Variants in KCNK2 observed in about 807,000 individuals in gnomAD.
The protein encoded by KCNK2 is potassium channel subfamily K member 2.
A neutral mutation model predicts 40.5 loss-of-function variants in KCNK2; 21 were observed. The observed-to-expected ratio is 0.52, with a 90% confidence interval of 0.37 to 0.75. The LOEUF is 0.75. KCNK2 is among the 30% of genes least tolerant of loss of function. The probability of loss-of-function intolerance (pLI) is 0.00; values close to 1 mark genes in which losing one functional copy is unlikely to be tolerated. For synonymous variants in KCNK2, 191 were observed against 202.2 expected, an observed-to-expected ratio of 0.94 and a Z score of 0.47; for missense variants, 399 against 531.6, an observed-to-expected ratio of 0.75 and a Z score of 2.45.
chr1:215,174,893 T>C (rs1394334233), intron 5 of KCNK2, among the ~76,000 whole-genome samples: 2 of 152,152 alleles, frequency 1.3e-5, no homozygotes, highest in Non-Finnish European at 2.9e-5. Flanking sequence ...TTTCTAGATA[T>C]ACAATCATGT....
At position 215,021,233 on chromosome 1, in the gene KCNK2, A is replaced by C. The variant is rs140351249; in HGVS notation, c.34+15278A>C. Among the ~76,000 whole-genome samples the C allele has an allele frequency of 4.7e-3, 716 of 152,278 alleles. 5 individuals are homozygous for C. The highest frequency in any genetic ancestry group is 6.1e-3 in the Non-Finnish European group (415 of 68,020). The stretch of plus-strand genomic sequence containing the variant: ...ATTTTATTTTCCTATAAGTGAACTT[A>C]AGTTATATTTCAAGTTCCCTATTTC... On this transcript the variant is annotated intron_variant, in intron 1 of 6. Transcript: ENST00000391895.
intron 1 of KCNK2, among the ~76,000 whole-genome samples, chr1:215,060,115 GC>G (rs1658317226): frequency 1.3e-5 from 2 of 152,182 alleles, no homozygotes; most frequent in Non-Finnish European, 2.9e-5. Flanking sequence ...TGAGGTGAGA[GC>G]CAACAGGCCT....
intron 6 of KCNK2, among the ~76,000 whole-genome samples, chr1:215,206,515 A>G (rs1204059348): frequency 6.6e-6 from 1 of 152,162 alleles, no homozygotes; most frequent in Non-Finnish European, 1.5e-5. Flanking sequence ...CCACACATCT[A>G]TGTTATATTT....
At chr1:215,007,165 A>G (rs1273280575) in intron 1 of KCNK2, among the ~76,000 whole-genome samples, 1 of 104,814 alleles carries the variant, frequency 9.5e-6, no homozygotes, top group African/African-American at 4.6e-5. Context: ...ATGTATGTAT[A>G]TATATATGTA....
At position 215,234,878 on chromosome 1, in the gene KCNK2, C is replaced by G; in HGVS notation, c.1014C>G (p.Ala338=). 6.2e-7 allele frequency: 1 copy of G among 1,613,954 alleles called. No homozygotes were observed. ...HAAEWTANVT[A]EFKETRRRLS... ...CTGAGTGGACAGCCAACGTCACAGC[C>G]GAATTCAAAGAAACCAGGAGGCGAC... Residue 338 remains alanine, a synonymous_variant, in exon 7 of 7, where the codon GCC becomes GCG. Transcript: ENST00000444842.
At chr1:215,075,674 T>C (rs958347644) in intron 1 of KCNK2, among the ~76,000 whole-genome samples, 1 of 152,232 alleles carries the variant, frequency 6.6e-6, no homozygotes, top group African/African-American at 2.4e-5. Flanking sequence ...CTTCACACTT[T>C]TAAGCTTGAA....
At chr1:215,034,144 G>GA in intron 1 of KCNK2, among the ~76,000 whole-genome samples, 1 of 152,100 alleles carries the variant, frequency 6.6e-6, no homozygotes, top group Non-Finnish European at 1.5e-5. Context: ...AAGAGTTGTT[G>GA]ACTTTTTTAG....
At chr1:215,112,450 C>T (rs980430207) in intron 2 of KCNK2, among the ~76,000 whole-genome samples, 2 of 151,690 alleles carry the variant, frequency 1.3e-5, no homozygotes, top group African/African-American at 2.4e-5. Flanking sequence ...AGTGCTAGTA[C>T]AAAAGTCAAA....
chr1:215,062,910 A>G (rs1658407102), intron 1 of KCNK2, among the ~76,000 whole-genome samples: 1 of 152,138 alleles, frequency 6.6e-6, no homozygotes, highest in African/African-American at 2.4e-5. Context: ...TTTATAGGAG[A>G]ATGAACACAC....
At chr1:215,036,698 A>G (rs1188807097) in intron 1 of KCNK2, among the ~76,000 whole-genome samples, 1 of 151,870 alleles carries the variant, frequency 6.6e-6, no homozygotes, top group Non-Finnish European at 1.5e-5. Flanking sequence ...TTTGCTGCTT[A>G]TGAACAATGT....
intron 6 of KCNK2, among the ~76,000 whole-genome samples, chr1:215,225,066 C>T (rs1425117600): frequency 6.6e-6 from 1 of 152,094 alleles, no homozygotes; most frequent in Non-Finnish European, 1.5e-5. Flanking sequence ...AAAAATACTA[C>T]TTAAATAACT....
chr1:215,227,864 A>T (rs1666454633), intron 6 of KCNK2, among the ~76,000 whole-genome samples: 1 of 152,128 alleles, frequency 6.6e-6, no homozygotes, highest in Non-Finnish European at 1.5e-5. Flanking sequence ...TCTGAGTAAG[A>T]ACTTGATGTA....
intron 5 of KCNK2, among the ~76,000 whole-genome samples, chr1:215,183,787 T>C (rs775541324): frequency 6.6e-5 from 10 of 152,234 alleles, no homozygotes; most frequent in Non-Finnish European, 5.9e-5. Context: ...AAGAGAGTTT[T>C]ATACTTTTTG....
At chr1:215,165,330 A>G (rs1173892256) in intron 3 of KCNK2, among the ~76,000 whole-genome samples, 1 of 152,116 alleles carries the variant, frequency 6.6e-6, no homozygotes, top group Non-Finnish European at 1.5e-5. Flanking sequence ...CAATTCCTTC[A>G]ACTTTTATAT....
chr1:215,037,586 T>C (rs1657431482), intron 1 of KCNK2, among the ~76,000 whole-genome samples: 1 of 152,024 alleles, frequency 6.6e-6, no homozygotes, highest in Admixed American at 6.6e-5. Context: ...CACTATTTTC[T>C]GAAAGAGTTG....
chr1:215,108,718 G>A (rs569297288), intron 2 of KCNK2, among the ~76,000 whole-genome samples: 1 of 144,524 alleles, frequency 6.9e-6, no homozygotes, highest in East Asian at 2.1e-4. Flanking sequence ...CCAAAAGACA[G>A]CAGACAGCTC....
intron 6 of KCNK2, among the ~76,000 whole-genome samples, chr1:215,218,720 C>G (rs1358755191): frequency 6.6e-6 from 1 of 152,190 alleles, no homozygotes; most frequent in Non-Finnish European, 1.5e-5. Flanking sequence ...TACTTCTCAT[C>G]AACTCCTTTC....
intron 2 of KCNK2, among the ~76,000 whole-genome samples, chr1:215,105,927 T>C (rs1416835035): frequency 6.6e-6 from 1 of 152,106 alleles, no homozygotes; most frequent in African/African-American, 2.4e-5. Context: ...ATGATTTTGT[T>C]CTTCTTAATG....
chr1:215,212,420 G>A (rs1476569577), intron 6 of KCNK2, among the ~76,000 whole-genome samples: 5 of 152,132 alleles, frequency 3.3e-5, no homozygotes, highest in Admixed American at 2.6e-4. Context: ...TGAAGGGCAT[G>A]TATTTGATTT....
Sources: gnomAD v4.1 joint callset for allele counts (sites outside exome capture counted in the v4.1 genomes callset) on GRCh38, gnomAD v4.1.1 for gene constraint, MANE v1.5 for transcripts, NCBI Gene and HGNC (gene_info 2026-07-23, HGNC 2026-07-21) for gene names.